The following ALDH1L1 variants were observed in gnomAD, a reference collection of about 807,000 sequenced individuals.
ALDH1L1 encodes cytosolic 10-formyltetrahydrofolate dehydrogenase.
Under a neutral mutation model 101.1 loss-of-function variants are expected in ALDH1L1, and 68 were observed. That is an observed-to-expected ratio of 0.67 (90% CI 0.55 to 0.82). ALDH1L1 has a LOEUF of 0.82. ALDH1L1 is among the 40% of genes least tolerant of loss of function. The pLI, the probability that ALDH1L1 is intolerant of heterozygous loss-of-function variation, is 0.00. For synonymous variants in ALDH1L1, 486 were observed against 470.8 expected (o/e 1.03, Z -0.42); for missense variants, 1,087 against 1,172.7 (o/e 0.93, Z 1.07).
intron 1 of ALDH1L1, among the ~76,000 whole-genome samples, chr3:126,172,314 GA>G (rs1306828258): frequency 6.6e-6 from 1 of 152,166 alleles, no homozygotes; most frequent in Non-Finnish European, 1.5e-5. Flanking sequence ...AAAATGCTAA[GA>G]GCTCTAATGG....
chr3:126,104,239 A>G, intron 22 of ALDH1L1: 2 of 249,022 alleles, frequency 8.0e-6, no homozygotes, highest in Non-Finnish European at 1.6e-5. Context: ...GGAAAAGGGG[A>G]TGCCTCGCAG....
Position 126,137,900 on chromosome 3 carries a change from G to A in ALDH1L1, c.1137C>T (p.Tyr379=). Reference sequence around the variant, plus strand: ...TGAAGTCCCCAAAGGTGGATGCCATGTACACATCTTCATTTTCTAACTCCA... The same window carrying A: ...TGAAGTCCCCAAAGGTGGATGCCATATACACATCTTCATTTTCTAACTCCA... The part of the protein sequence containing the change: ...DGLELENEDV[Y]MASTFGDFIQ... The change falls in exon 10 of 23, where the codon TAC becomes TAT. Residue 379 remains tyrosine, a synonymous_variant. Transcript: ENST00000393434. 1 of 1,614,198 alleles carries A rather than the reference G, an allele frequency of 6.2e-7. No homozygotes were observed. The highest frequency in any genetic ancestry group is 8.5e-7 in the Non-Finnish European group (1 of 1,180,022).
At chr3:126,174,684 A>G (rs950898501) in intron 1 of ALDH1L1, among the ~76,000 whole-genome samples, 12 of 152,186 alleles carry the variant, frequency 7.9e-5, no homozygotes, top group Admixed American at 1.3e-4. Context: ...TCAAGAAAAA[A>G]TTTAAAATAT....
At chr3:126,124,709 G>A (rs746634300) in intron 15 of ALDH1L1, among the ~76,000 whole-genome samples, 4 of 152,204 alleles carry the variant, frequency 2.6e-5, no homozygotes, top group Non-Finnish European at 5.9e-5. Flanking sequence ...GGCTCCAGCC[G>A]GCCAGGCCTG....
intron 19 of ALDH1L1, among the ~76,000 whole-genome samples, chr3:126,112,374 CT>C (rs1190369658): frequency 1.3e-5 from 2 of 152,140 alleles, no homozygotes; most frequent in Admixed American, 1.3e-4. Flanking sequence ...TCCAGGGCCC[CT>C]GTCCATGGTC....
At chr3:126,129,731 T>C (rs2108231964) in intron 14 of ALDH1L1, 1 of 152,494 alleles carries the variant, frequency 6.6e-6, no homozygotes, top group African/African-American at 2.4e-5. Context: ...CAGAGCCCGG[T>C]GGCTGTGTTC....
At chr3:126,167,297 G>A (rs1026257709) in intron 1 of ALDH1L1, among the ~76,000 whole-genome samples, 6 of 152,244 alleles carry the variant, frequency 3.9e-5, no homozygotes, top group African/African-American at 1.2e-4. Context: ...TTCTCTTGGG[G>A]TTGTAAGGTA....
chr3:126,140,269 T>C (rs2080542386), intron 9 of ALDH1L1, among the ~76,000 whole-genome samples: 1 of 152,202 alleles, frequency 6.6e-6, no homozygotes, highest in African/African-American at 2.4e-5. Flanking sequence ...TTAAAAGTTT[T>C]GGGGAAAAAT....
At chr3:126,126,626 G>T (rs1293005960) in intron 14 of ALDH1L1, among the ~76,000 whole-genome samples, 3 of 152,176 alleles carry the variant, frequency 2.0e-5, no homozygotes, top group African/African-American at 7.2e-5. Flanking sequence ...AGCACGGGCT[G>T]CTGAGTGTTC....
chr3:126,130,067 A>T, intron 14 of ALDH1L1, 156 bp downstream of exon 14: 1 of 594,628 alleles, frequency 1.7e-6, no homozygotes, highest in Non-Finnish European at 2.7e-6. Flanking sequence ...TCCTTACAAC[A>T]ATGCCTGGCA....
intron 8 of ALDH1L1, among the ~76,000 whole-genome samples, chr3:126,147,581 G>A (rs2080721362): frequency 6.6e-6 from 1 of 152,220 alleles, no homozygotes; most frequent in South Asian, 2.1e-4. Context: ...AGTCAAGATG[G>A]GATGACTGCT....
chr3:126,178,705 CCAA>C (rs1320435071), intron 1 of ALDH1L1, among the ~76,000 whole-genome samples: 3 of 151,634 alleles, frequency 2.0e-5, no homozygotes, highest in Admixed American at 1.3e-4. Context: ...GTCAAAACAC[CCAA>C]CAAGTAACAA....
intron 1 of ALDH1L1, among the ~76,000 whole-genome samples, chr3:126,196,939 C>T (rs965577498): frequency 6.6e-6 from 1 of 152,176 alleles, no homozygotes; most frequent in African/African-American, 2.4e-5. Context: ...TAATTTTGAG[C>T]TTGCAAAGCC....
At chr3:126,162,920 G>T (rs1032058393) in intron 1 of ALDH1L1, among the ~76,000 whole-genome samples, 4 of 152,156 alleles carry the variant, frequency 2.6e-5, no homozygotes, top group Non-Finnish European at 5.9e-5. Context: ...AATTAACCCA[G>T]CACTAGTTAC....
intron 1 of ALDH1L1, among the ~76,000 whole-genome samples, chr3:126,191,722 A>G (rs2081554473): frequency 6.6e-6 from 1 of 152,232 alleles, no homozygotes; most frequent in Non-Finnish European, 1.5e-5. Flanking sequence ...AACCCTTTCC[A>G]CAGTCAGGTC....
At chr3:126,180,385 G>T (rs977876093) in intron 1 of ALDH1L1, 91 bp downstream of exon 1, 32 of 924,764 alleles carry the variant, frequency 3.5e-5, no homozygotes, top group Admixed American at 1.8e-4. Flanking sequence ...GAGTCCTGGA[G>T]CCCCTGGAGC....
chr3:126,116,879 CAG>C (rs4646743), intron 17 of ALDH1L1, among the ~76,000 whole-genome samples: 24,509 of 152,110 alleles, frequency 0.16, 2,787 homozygotes, highest in African/African-American at 0.33. Context: ...GGTTTAGTGA[CAG>C]AGTCTGGGAG....
chr3:126,155,367 G>C (rs775479286), intron 5 of ALDH1L1, 35 bp downstream of exon 5: 1 of 1,585,456 alleles, frequency 6.3e-7, no homozygotes, highest in Admixed American at 1.7e-5. Flanking sequence ...TCTGCTCACA[G>C]GCAGGATGAG....
At chr3:126,131,870 G>A (rs2080316210) in intron 12 of ALDH1L1, among the ~76,000 whole-genome samples, 1 of 152,224 alleles carries the variant, frequency 6.6e-6, no homozygotes, top group Non-Finnish European at 1.5e-5. Context: ...AAGGGGTCAT[G>A]GCCCAAGAGG....
Sources: gnomAD v4.1 joint callset for allele counts (sites outside exome capture counted in the v4.1 genomes callset) on GRCh38, gnomAD v4.1.1 for gene constraint, MANE v1.5 for transcripts, NCBI Gene and HGNC (gene_info 2026-07-23, HGNC 2026-07-21) for gene names.